The following HPSE2 variants were observed in gnomAD, a reference collection of about 807,000 sequenced individuals.
HPSE2 encodes inactive heparanase-2.
In HPSE2, 38 loss-of-function variants were observed where a neutral mutation model predicts 60.5. That is an observed-to-expected ratio of 0.63 (90% CI 0.48 to 0.82). HPSE2 has a LOEUF of 0.82. Ranked by LOEUF, HPSE2 falls within the 40% of genes least tolerant of loss-of-function variation. HPSE2 has a pLI of 0.00. For synonymous variants in HPSE2, 295 were observed against 293.2 expected (o/e 1.01, Z -0.06); for missense variants, 713 against 740.4 (o/e 0.96, Z 0.43).
chr10:98,540,808 T>C (rs1943434017), intron 9 of HPSE2, among the ~76,000 whole-genome samples: 1 of 152,128 alleles, frequency 6.6e-6, no homozygotes, highest in South Asian at 2.1e-4. Context: ...AAATTTGAAG[T>C]GCAGAGCCAT....
intron 9 of HPSE2, among the ~76,000 whole-genome samples, chr10:98,585,276 CT>C (rs35472307): frequency 4.8e-4 from 69 of 144,090 alleles, no homozygotes; most frequent in Admixed American, 6.9e-4. Context: ...AAAGTAGTGT[CT>C]TTTTTTTTTT....
At chr10:98,896,526 G>T (rs1160815698) in intron 3 of HPSE2, among the ~76,000 whole-genome samples, 2 of 152,088 alleles carry the variant, frequency 1.3e-5, no homozygotes, top group Non-Finnish European at 2.9e-5. Context: ...GCATTAAAAT[G>T]CATGTATTAG....
chr10:99,248,110 A>G, the HPSE2 span, among the ~76,000 whole-genome samples: 1 of 152,378 alleles, frequency 6.6e-6, no homozygotes, highest in Admixed American at 6.5e-5. Flanking sequence ...CTATAAAGAT[A>G]TCTGAAAATG....
intron 3 of HPSE2, among the ~76,000 whole-genome samples, chr10:98,984,973 A>G (rs1050062783): frequency 3.9e-5 from 6 of 152,210 alleles, no homozygotes; most frequent in African/African-American, 1.4e-4. Flanking sequence ...CAAAGCCTCC[A>G]AGAAATATGG....
At chr10:98,754,573 T>C (rs1949834514) in intron 3 of HPSE2, among the ~76,000 whole-genome samples, 2 of 150,982 alleles carry the variant, frequency 1.3e-5, no homozygotes, top group African/African-American at 4.9e-5. Context: ...TTCTCCAAGG[T>C]TGATGTGAAA....
At chr10:99,190,263 G>A (rs1393550021) in intron 2 of HPSE2, among the ~76,000 whole-genome samples, 1 of 152,182 alleles carries the variant, frequency 6.6e-6, no homozygotes, top group East Asian at 1.9e-4. Context: ...GACTACTTGG[G>A]TTAGATGTCT....
chr10:98,538,421 A>G (rs1266419610), intron 9 of HPSE2, among the ~76,000 whole-genome samples: 1 of 152,062 alleles, frequency 6.6e-6, no homozygotes, highest in Non-Finnish European at 1.5e-5. Flanking sequence ...TTACCAGTAG[A>G]TTTAGGAATG....
intron 3 of HPSE2, among the ~76,000 whole-genome samples, chr10:98,928,394 C>T (rs1433367876): frequency 1.6e-5 from 1 of 64,420 alleles, no homozygotes; most frequent in Non-Finnish European, 3.7e-5. Flanking sequence ...GTTGGTGGGA[C>T]TGTAAACTAG....
At chr10:98,880,291 C>T (rs777843777) in intron 3 of HPSE2, among the ~76,000 whole-genome samples, 3 of 152,034 alleles carry the variant, frequency 2.0e-5, no homozygotes, top group Non-Finnish European at 4.4e-5. Flanking sequence ...GCTGAGGTTG[C>T]AGGGCATGGA....
intron 3 of HPSE2, among the ~76,000 whole-genome samples, chr10:98,838,045 G>C (rs1477891350): frequency 1.3e-5 from 2 of 152,116 alleles, no homozygotes; most frequent in African/African-American, 4.8e-5. Context: ...AAAAGTATAT[G>C]ACATATTTCA....
intron 3 of HPSE2, among the ~76,000 whole-genome samples, chr10:98,860,397 G>A (rs923925867): frequency 6.6e-6 from 1 of 152,028 alleles, no homozygotes; most frequent in Non-Finnish European, 1.5e-5. Context: ...TTCTACCTTT[G>A]CTCATGCTGT....
At chr10:98,993,250 G>C (rs1475334572) in intron 3 of HPSE2, among the ~76,000 whole-genome samples, 2 of 152,122 alleles carry the variant, frequency 1.3e-5, no homozygotes, top group East Asian at 1.9e-4. Flanking sequence ...AAAATGAAGA[G>C]GGCTACGGCA....
At chr10:99,285,476 A>AAGGAAGGG in the HPSE2 span, among the ~76,000 whole-genome samples, 3 of 97,116 alleles carry the variant, frequency 3.1e-5, no homozygotes, top group East Asian at 3.4e-4. Context: ...GGAAGGAAGG[A>AAGGAAGGG]AGGGAGGGAG....
At chr10:99,230,966 G>C (rs554008248) in intron 2 of HPSE2, among the ~76,000 whole-genome samples, 1 of 152,296 alleles carries the variant, frequency 6.6e-6, no homozygotes, top group Admixed American at 6.5e-5. Flanking sequence ...TTACCTTTCA[G>C]CATTTATGCT....
intron 3 of HPSE2, among the ~76,000 whole-genome samples, chr10:99,097,619 T>G (rs151054021): frequency 2.6e-5 from 4 of 152,330 alleles, no homozygotes; most frequent in African/African-American, 7.2e-5. Context: ...TAGTAATCTT[T>G]TAAAATTATT....
At chr10:99,073,731 T>C (rs1037978027) in intron 3 of HPSE2, among the ~76,000 whole-genome samples, 2 of 152,216 alleles carry the variant, frequency 1.3e-5, no homozygotes, top group African/African-American at 4.8e-5. Context: ...GTGCAATCAA[T>C]GTTTTGTCAT....
chr10:98,752,602 C>T (rs568891254), intron 3 of HPSE2, among the ~76,000 whole-genome samples: 2 of 152,096 alleles, frequency 1.3e-5, no homozygotes, highest in African/African-American at 4.8e-5. Context: ...TAAAAATAAA[C>T]GTGTTAGTGA....
At chr10:98,625,203 C>T (rs923799013) in intron 7 of HPSE2, among the ~76,000 whole-genome samples, 5 of 152,176 alleles carry the variant, frequency 3.3e-5, no homozygotes, top group Non-Finnish European at 7.3e-5. Context: ...TAAAGGGCGA[C>T]TAAAACCTGA....
chr10:98,471,656 C>T (rs557993904), intron 11 of HPSE2, among the ~76,000 whole-genome samples: 2 of 151,996 alleles, frequency 1.3e-5, no homozygotes. Flanking sequence ...TGTCTTGCCC[C>T]CTCCCGCTTG....
Sources: gnomAD v4.1 joint callset for allele counts (sites outside exome capture counted in the v4.1 genomes callset) on GRCh38, gnomAD v4.1.1 for gene constraint, MANE v1.5 for transcripts, NCBI Gene and HGNC (gene_info 2026-07-23, HGNC 2026-07-21) for gene names.